Variants in E2F3 observed in about 807,000 individuals in gnomAD.
E2F3 encodes the protein E2F transcription factor 3.
A neutral mutation model predicts 44.4 loss-of-function variants in E2F3; 11 were observed. That is an observed-to-expected ratio of 0.25 (90% CI 0.16 to 0.41). The LOEUF (loss-of-function observed/expected upper bound fraction) is 0.41, where lower values mean the gene tolerates loss of function less well. Ranked by LOEUF, E2F3 falls within the 10% of genes least tolerant of loss-of-function variation. The pLI is 1.00. For missense variants in E2F3, 487 were observed against 583.6 expected (o/e 0.83, Z 1.70); for synonymous variants, 249 against 253.0 (o/e 0.98, Z 0.15).
intron 1 of E2F3, among the ~76,000 whole-genome samples, chr6:20,462,119 T>C (rs1761530708): frequency 6.6e-6 from 1 of 152,236 alleles, no homozygotes; most frequent in Non-Finnish European, 1.5e-5. Context: ...CTCCTAATTC[T>C]TTACCTATTC....
At chr6:20,457,389 A>C (rs1330858202) in intron 1 of E2F3, among the ~76,000 whole-genome samples, 1 of 119,296 alleles carries the variant, frequency 8.4e-6, no homozygotes, top group African/African-American at 3.2e-5. Context: ...GGGTTTCACC[A>C]TGTTGGCCAG....
intron 1 of E2F3, among the ~76,000 whole-genome samples, chr6:20,453,479 G>A (rs1264536450): frequency 6.6e-6 from 1 of 152,108 alleles, no homozygotes; most frequent in Non-Finnish European, 1.5e-5. Flanking sequence ...CAGTGGTGCA[G>A]TGACGGCTCA....
At chr6:20,472,061 C>CA (rs1333961678) in intron 1 of E2F3, among the ~76,000 whole-genome samples, 7 of 151,654 alleles carry the variant, frequency 4.6e-5, no homozygotes, top group African/African-American at 1.7e-4. Flanking sequence ...CACACACACA[C>CA]ACACACACTC....
Position 20,402,707 on chromosome 6 carries a change from C to T in E2F3, c.393+82C>T. The T allele has an allele frequency of 3.1e-6, 4 of 1,272,070 alleles. No homozygotes were observed. The highest frequency in any genetic ancestry group is 4.3e-5 in the Admixed American group (1 of 23,468). The allele number at this position is 1,272,070 out of a possible 1,614,324, so 78.8% of individuals were successfully genotyped here. On this transcript the variant is annotated intron_variant, in intron 1 of 6. Transcript: ENST00000346618. This position sits in a 1 kb window ranked among gnomAD's most constrained non-coding sequence, Gnocchi z 5.6. ...GCGGGGTCGTGGGCGCGCTGCGGGCCGCTCGGGGAGAGCACTGGGCCGAGC... is the reference window on the plus strand; with the variant it reads ...GCGGGGTCGTGGGCGCGCTGCGGGCTGCTCGGGGAGAGCACTGGGCCGAGC...
chr6:20,402,745 G>C lies in E2F3; in HGVS notation c.393+120G>C, dbSNP rs1759349623. ...CACTGGGCCGAGCATCGTGGGCCTC[G>C]GGGGCTGCCCCTCCAACGAGGGTTC... On this transcript the variant is annotated intron_variant, in intron 1 of 6. Transcript: ENST00000346618. The surrounding 1 kb of genome is among the most constrained non-coding windows in gnomAD (Gnocchi z 5.6). 1.7e-5 allele frequency: 21 copies of C among 1,247,150 alleles called. No individual in the cohort carries two copies. The highest frequency in any genetic ancestry group is 2.0e-5 in the Non-Finnish European group (20 of 997,116). The allele number at this position is 1,247,150 out of a possible 1,614,324, so 77.3% of individuals were successfully genotyped here.
At chr6:20,474,011 A>G (rs1358553044) in intron 1 of E2F3, among the ~76,000 whole-genome samples, 2 of 152,038 alleles carry the variant, frequency 1.3e-5, no homozygotes, top group East Asian at 3.9e-4. Flanking sequence ...TCCCCAGTGG[A>G]AAAAAAATAG....
In E2F3 at chr6:20,402,699, C is replaced by A. The variant is rs1445291411; in HGVS notation, c.393+74C>A. ...CGCACCGCGCGGGGTCGTGGGCGCGCTGCGGGCCGCTCGGGGAGAGCACTG... is the reference window on the plus strand; with the variant it reads ...CGCACCGCGCGGGGTCGTGGGCGCGATGCGGGCCGCTCGGGGAGAGCACTG... On this transcript the variant is annotated intron_variant, in intron 1 of 6. Transcript: ENST00000346618. The surrounding 1 kb of genome is among the most constrained non-coding windows in gnomAD (Gnocchi z 5.6). The A allele has an allele frequency of 7.9e-7, 1 of 1,272,468 alleles. No homozygotes were observed. The highest frequency in any genetic ancestry group is 3.2e-5 in the East Asian group (1 of 31,114). The allele number at this position is 1,272,468 out of a possible 1,614,324, so 78.8% of individuals were successfully genotyped here.
intron 1 of E2F3, among the ~76,000 whole-genome samples, chr6:20,447,857 T>C (rs1198103100): frequency 6.6e-6 from 1 of 152,114 alleles, no homozygotes; most frequent in Non-Finnish European, 1.5e-5. Context: ...CTGGAAAAGA[T>C]GTTTGCGAGA....
intron 5 of E2F3, among the ~76,000 whole-genome samples, chr6:20,487,194 T>G (rs1200003734): frequency 6.6e-6 from 1 of 152,216 alleles, no homozygotes; most frequent in Non-Finnish European, 1.5e-5. Context: ...ACTTATAACA[T>G]TTTGAGAGAT....
chr6:20,474,860 T>A (rs1370318813), intron 1 of E2F3, among the ~76,000 whole-genome samples: 2 of 152,186 alleles, frequency 1.3e-5, no homozygotes, highest in Non-Finnish European at 2.9e-5. Context: ...ACAAATCCAG[T>A]TCCGCCCTCC....
At chr6:20,423,662 G>C (rs1040125413) in intron 1 of E2F3, among the ~76,000 whole-genome samples, 1 of 152,012 alleles carries the variant, frequency 6.6e-6, no homozygotes, top group Non-Finnish European at 1.5e-5. Flanking sequence ...GTAGAGACAG[G>C]GTTTTGCCAT....
At chr6:20,489,264 T>C (rs563034337) in intron 6 of E2F3, among the ~76,000 whole-genome samples, 1 of 152,284 alleles carries the variant, frequency 6.6e-6, no homozygotes, top group African/African-American at 2.4e-5. Flanking sequence ...ATCTGTCTTA[T>C]TGTATGTATT....
intron 1 of E2F3, chr6:20,421,773 T>C (rs1487486355): frequency 1.3e-5 from 2 of 152,298 alleles, no homozygotes; most frequent in African/African-American, 4.8e-5. Flanking sequence ...CCGAACTTAG[T>C]GCGGACACCC....
intron 1 of E2F3, among the ~76,000 whole-genome samples, chr6:20,467,300 G>A (rs1761746070): frequency 6.6e-6 from 1 of 152,084 alleles, no homozygotes; most frequent in South Asian, 2.1e-4. Context: ...ATAAACCCAG[G>A]CCCCACATGG....
chr6:20,441,631 G>A (rs1237281463), intron 1 of E2F3, among the ~76,000 whole-genome samples: 3 of 151,862 alleles, frequency 2.0e-5, no homozygotes, highest in Non-Finnish European at 4.4e-5. Flanking sequence ...CTGGAGTGTA[G>A]TGGCATGACC....
intron 1 of E2F3, among the ~76,000 whole-genome samples, chr6:20,468,898 C>T (rs1761801234): frequency 6.6e-6 from 1 of 152,182 alleles, no homozygotes; most frequent in African/African-American, 2.4e-5. Flanking sequence ...TCACCTCGGG[C>T]ATCAGCACAG....
At position 20,402,142 on chromosome 6, in the gene E2F3, G is replaced by A; in HGVS notation, c.-91G>A. On this transcript the variant is annotated 5_prime_UTR_variant, in exon 1 of 7. Transcript: ENST00000346618. The surrounding 1 kb of genome is among the most constrained non-coding windows in gnomAD (Gnocchi z 5.6). Reference sequence around the variant, plus strand: ...GCGCCGGGCGGGGAGGAGAGAAGGAGGAGAGACTTGGAAACTCCGACTGCA... The same window carrying A: ...GCGCCGGGCGGGGAGGAGAGAAGGAAGAGAGACTTGGAAACTCCGACTGCA... 6.9e-7 allele frequency: 1 copy of A among 1,453,432 alleles called. No individual in the cohort carries two copies. Among genetic ancestry groups the A allele is most frequent in the Non-Finnish European group, 9.0e-7 (1 of 1,110,838 alleles). 90.0% of individuals were successfully genotyped at this position (1,453,432 alleles called of 1,614,324 possible). A position where few individuals can be genotyped will look rare whatever the true frequency, so the allele number is the denominator to read the frequency against.
At chr6:20,453,100 G>T (rs1420783616) in intron 1 of E2F3, among the ~76,000 whole-genome samples, 1 of 152,034 alleles carries the variant, frequency 6.6e-6, no homozygotes, top group African/African-American at 2.4e-5. Flanking sequence ...ATTTGTAAGG[G>T]CTCTTTATAT....
rs1677910458 is a variant in E2F3, at chr6:20,492,012, T to C, written c.*1582T>C. On this transcript the variant is annotated 3_prime_UTR_variant, in exon 7 of 7. Coordinates refer to ENST00000346618, the MANE Select transcript of E2F3 (RefSeq NM_001949.5). The stretch of plus-strand genomic sequence containing the variant: ...GGTCCATTCCTTGGATGCTAAGGAC[T>C]GCGGGAATGAGGGAGTCAGATAAAG... The C allele has an allele frequency of 5.3e-6, 1 of 190,188 alleles. No homozygotes were observed. The highest frequency in any genetic ancestry group is 6.2e-5 in the Admixed American group (1 of 16,242). The allele number at this position is 190,188 out of a possible 1,614,324, so 11.8% of individuals were successfully genotyped here. A position where few individuals can be genotyped will look rare whatever the true frequency, so the allele number is the denominator to read the frequency against.
Sources: allele counts gnomAD v4.1 joint callset (sites outside exome capture counted in the v4.1 genomes callset), GRCh38; gene constraint gnomAD v4.1.1; non-coding constraint Gnocchi (gnomAD v3.1); transcripts MANE v1.5; gene names NCBI Gene and HGNC (gene_info 2026-07-23, HGNC 2026-07-21).